The following METTL8 variants were observed in gnomAD, a reference collection of about 807,000 sequenced individuals.
METTL8 encodes methyltransferase 8, tRNA N3-cytidine, also known as tRNA N(3)-cytidine methyltransferase METTL8, mitochondrial.
In METTL8, 32 loss-of-function variants were observed where a neutral mutation model predicts 48.7. That is an observed-to-expected ratio of 0.66 (90% CI 0.50 to 0.88). The LOEUF (loss-of-function observed/expected upper bound fraction) is 0.88. Ranked by LOEUF, METTL8 falls within the 40% of genes least tolerant of loss-of-function variation. The pLI, the probability that METTL8 is intolerant of heterozygous loss-of-function variation, is 0.00. For missense variants in METTL8, 464 were observed against 474.4 expected, an observed-to-expected ratio of 0.98 and a Z score of 0.20; for synonymous variants, 136 against 157.1, an observed-to-expected ratio of 0.87 and a Z score of 1.01.
chr2:171,339,833 T>C (rs556390086), intron 3 of METTL8, among the ~76,000 whole-genome samples: 1 of 152,368 alleles, frequency 6.6e-6, no homozygotes, highest in East Asian at 1.9e-4. Flanking sequence ...AGAAATATAA[T>C]CACTGCAAAC....
At chr2:171,409,520 C>T (rs140924651) in intron 1 of METTL8, among the ~76,000 whole-genome samples, 7 of 152,222 alleles carry the variant, frequency 4.6e-5, no homozygotes, top group African/African-American at 1.4e-4. Context: ...CTTTCTGCAA[C>T]AGTGCAAGCG....
At chr2:171,357,084 A>T (rs993183462) in intron 3 of METTL8, among the ~76,000 whole-genome samples, 3 of 151,270 alleles carry the variant, frequency 2.0e-5, no homozygotes, top group Non-Finnish European at 4.4e-5. Context: ...CAGCCTCCTG[A>T]GTAGCTGGGA....
At chr2:171,369,260 C>T (rs1301325868) in intron 2 of METTL8, among the ~76,000 whole-genome samples, 12 of 152,278 alleles carry the variant, frequency 7.9e-5, no homozygotes, top group East Asian at 1.9e-4. Flanking sequence ...GAGCCGAGAT[C>T]GCGCCACTGT....
At chr2:171,385,880 GT>G in intron 2 of METTL8, among the ~76,000 whole-genome samples, 1 of 152,300 alleles carries the variant, frequency 6.6e-6, no homozygotes, top group South Asian at 2.1e-4. Context: ...CTTGAAAATA[GT>G]TCTGTTGCTA....
chr2:171,394,703 G>A (rs979566033), intron 1 of METTL8, among the ~76,000 whole-genome samples: 15 of 152,262 alleles, frequency 9.9e-5, no homozygotes, highest in African/African-American at 3.6e-4. Flanking sequence ...TATAACAACT[G>A]TATATAGGAG....
At chr2:171,407,700 G>C (rs566788269) in intron 1 of METTL8, among the ~76,000 whole-genome samples, 1 of 152,244 alleles carries the variant, frequency 6.6e-6, no homozygotes, top group Admixed American at 6.5e-5. Flanking sequence ...TCCAACCAAG[G>C]TCCTATGACA....
At chr2:171,429,509 T>G (rs1284367240) in intron 1 of METTL8, among the ~76,000 whole-genome samples, 1 of 152,206 alleles carries the variant, frequency 6.6e-6, no homozygotes, top group East Asian at 1.9e-4. Flanking sequence ...AAAGTCTCAT[T>G]GCTCACAATC....
chr2:171,420,700 C>T (rs1341879338), intron 1 of METTL8, among the ~76,000 whole-genome samples: 1 of 152,066 alleles, frequency 6.6e-6, no homozygotes, highest in Non-Finnish European at 1.5e-5. Context: ...AAATGTGTCA[C>T]AAAAATTGAT....
chr2:171,372,775 T>C (rs1291989050), intron 2 of METTL8, among the ~76,000 whole-genome samples: 1 of 152,166 alleles, frequency 6.6e-6, no homozygotes, highest in Non-Finnish European at 1.5e-5. Context: ...AGAATGATGG[T>C]TTCCAGCTTC....
rs1026741063 is a variant in METTL8, at chr2:171,317,036, C to A, written c.*7136G>T. Among the ~76,000 whole-genome samples, 5 of 152,086 alleles carry A rather than the reference C, an allele frequency of 3.3e-5. No homozygotes were observed. The highest frequency in any genetic ancestry group is 1.2e-4 in the African/African-American group (5 of 41,424). On this transcript the variant is annotated 3_prime_UTR_variant, in exon 10 of 10. Transcript: ENST00000375258. ...GCAGAAGGTGAGAGAAATGAGGCAG[C>A]AATTACATAGTGTTGCTTGTGCTAA... is the stretch of plus-strand genomic sequence containing the variant.
intron 3 of METTL8, among the ~76,000 whole-genome samples, chr2:171,343,011 T>C (rs1458064265): frequency 6.7e-6 from 1 of 149,178 alleles, no homozygotes; most frequent in Non-Finnish European, 1.5e-5. Context: ...TGTCTCTACT[T>C]AAAAAAAAAA....
chr2:171,407,200 C>G (rs1414298437), intron 1 of METTL8, among the ~76,000 whole-genome samples: 1 of 151,984 alleles, frequency 6.6e-6, no homozygotes, highest in Non-Finnish European at 1.5e-5. Context: ...TGGCTAGAGT[C>G]TGGGTTTAAA....
At chr2:171,426,355 AT>A (rs1427387964) in intron 1 of METTL8, among the ~76,000 whole-genome samples, 3 of 152,218 alleles carry the variant, frequency 2.0e-5, no homozygotes, top group African/African-American at 7.2e-5. Context: ...TATAATATGA[AT>A]GATGTTCAAA....
intron 1 of METTL8, among the ~76,000 whole-genome samples, chr2:171,429,807 A>T (rs1653460460): frequency 6.6e-6 from 1 of 152,206 alleles, no homozygotes; most frequent in Non-Finnish European, 1.5e-5. Context: ...TGGGAGGCAG[A>T]CGCAGGCAGA....
At chr2:171,343,248 T>A (rs7595226) in intron 3 of METTL8, among the ~76,000 whole-genome samples, 21,088 of 152,148 alleles carry the variant, frequency 0.14, 1,572 homozygotes, top group Middle Eastern at 0.21. Flanking sequence ...GAGACCGGCC[T>A]GACCAACATG....
chr2:171,426,065 G>A (rs923172377), intron 1 of METTL8, among the ~76,000 whole-genome samples: 5 of 152,318 alleles, frequency 3.3e-5, no homozygotes, highest in African/African-American at 9.6e-5. Flanking sequence ...GCTGAGGCAG[G>A]AGAATCTCTT....
chr2:171,349,194 T>G lies in METTL8; in HGVS notation c.236-9640A>C, dbSNP rs140307958. The stretch of plus-strand genomic sequence containing the variant: ...AGGTTAAAAAAGTAGATCCCCAAAT[T>G]ATATATGTATTATAATTACAACTGC... On this transcript the variant is annotated intron_variant, in intron 3 of 9. Coordinates refer to ENST00000375258, the MANE Select transcript of METTL8 (RefSeq NM_001321154.2). Among the ~76,000 whole-genome samples, 457 of 152,268 alleles carry G rather than the reference T, an allele frequency of 3.0e-3. 1 individual carries two copies. Among genetic ancestry groups the G allele is most frequent in the African/African-American group, 0.01 (416 of 41,546 alleles).
intron 5 of METTL8, 84 bp downstream of exon 5, chr2:171,337,369 A>G (rs1559063433): frequency 1.0e-6 from 1 of 972,816 alleles, no homozygotes; most frequent in South Asian, 1.6e-5. Flanking sequence ...CACTACTGGC[A>G]TACACGTGAC....
At chr2:171,376,512 A>T (rs1686982525) in intron 2 of METTL8, among the ~76,000 whole-genome samples, 2 of 152,240 alleles carry the variant, frequency 1.3e-5, no homozygotes, top group African/African-American at 4.8e-5. Flanking sequence ...TCAGGATACA[A>T]AATCAATGTA....
Sources: allele counts gnomAD v4.1 joint callset (sites outside exome capture counted in the v4.1 genomes callset), GRCh38; gene constraint gnomAD v4.1.1; transcripts MANE v1.5; gene names NCBI Gene and HGNC (gene_info 2026-07-23, HGNC 2026-07-21).